The following RABEP2 variants were observed in gnomAD, a reference collection of about 807,000 sequenced individuals.
The protein encoded by RABEP2 is rabaptin, RAB GTPase binding effector protein 2, also known as rab GTPase-binding effector protein 2.
A neutral mutation model predicts 74.1 loss-of-function variants in RABEP2; 57 were observed. That is an observed-to-expected ratio of 0.77 (90% CI 0.62 to 0.96). The LOEUF is 0.96. Among genes scored for constraint, RABEP2 ranks in the 40% least tolerant of loss-of-function variants. The pLI is 0.00. For synonymous variants in RABEP2, 351 were observed against 344.0 expected (o/e 1.02, Z -0.23); for missense variants, 692 against 756.3 (o/e 0.91, Z 1.00).
chr16:28,922,240 AT>A (rs573232232), intron 2 of RABEP2, among the ~76,000 whole-genome samples: 6 of 152,292 alleles, frequency 3.9e-5, no homozygotes, highest in Non-Finnish European at 4.4e-5. Context: ...GAACGTGGTC[AT>A]TTTTTGTTTG....
chr16:28,907,380 A>G (rs1596694752), intron 8 of RABEP2, among the ~76,000 whole-genome samples: 1 of 149,432 alleles, frequency 6.7e-6, no homozygotes, highest in Non-Finnish European at 1.5e-5. Flanking sequence ...CTGATCTTGA[A>G]CTCCTGGACT....
Position 28,914,279 on chromosome 16 carries a change from T to G in RABEP2, c.851A>C (p.Tyr284Ser), listed in dbSNP as rs1964354739. 1.2e-6 allele frequency: 2 copies of G among 1,611,710 alleles called. No homozygotes were observed. Among genetic ancestry groups the G allele is most frequent in the Non-Finnish European group, 1.7e-6 (2 of 1,179,664 alleles). ...CCACTGAGTGTCTGGGACGAGCTGG[T>G]AGCCAGGAGGGGGCAGGTAGATGCC... ...PEGIYLPPPG[Y>S]QLVPDTQWEQ... Residue 284 changes from tyrosine (Y) to serine (S), a missense_variant, in exon 5 of 13, where the codon TAC (tyrosine) becomes TCC (serine). Coordinates refer to ENST00000358201, the MANE Select transcript of RABEP2 (RefSeq NM_024816.3).
intron 3 of RABEP2, among the ~76,000 whole-genome samples, chr16:28,917,535 T>C (rs1353717770): frequency 6.6e-6 from 1 of 152,220 alleles, no homozygotes; most frequent in Non-Finnish European, 1.5e-5. Context: ...CTTTCCTGCC[T>C]CAGTCTTCCG....
chr16:28,904,475 T>C lies in RABEP2; in HGVS notation c.*468A>G. 9 of 1,509,478 alleles carry C rather than the reference T, an allele frequency of 6.0e-6. No individual in the cohort carries two copies. Among genetic ancestry groups the C allele is most frequent in the Non-Finnish European group, 8.0e-6 (9 of 1,130,026 alleles). The allele number at this position is 1,509,478 out of a possible 1,614,324, so 93.5% of individuals were successfully genotyped here. A position where few individuals can be genotyped will look rare whatever the true frequency, so the allele number is the denominator to read the frequency against. ...AACGACGGAAAAGTCTGGCCTTGCC[T>C]CTGTGCAAGCTTGGAGGCCTGGGTC... On this transcript the variant is annotated 3_prime_UTR_variant, in exon 13 of 13. Coordinates refer to ENST00000358201, the MANE Select transcript of RABEP2 (RefSeq NM_024816.3).
In RABEP2 at chr16:28,904,727, T is replaced by A. The variant is rs937656969; in HGVS notation, c.*216A>T. ...TGCACCTTTGGTTCCGGGAGGGGCT[T>A]GGGCCCCTCACCCAGGTGTGATCCC... is the stretch of plus-strand genomic sequence containing the variant. On this transcript the variant is annotated 3_prime_UTR_variant, in exon 13 of 13. Transcript: ENST00000358201. The A allele has an allele frequency of 3.1e-6, 2 of 634,940 alleles. No individual in the cohort carries two copies. The highest frequency in any genetic ancestry group is 5.3e-6 in the Non-Finnish European group (2 of 376,092). The allele number at this position is 634,940 out of a possible 1,614,324, so 39.3% of individuals were successfully genotyped here. A position where few individuals can be genotyped will look rare whatever the true frequency, so the allele number is the denominator to read the frequency against.
intron 3 of RABEP2, among the ~76,000 whole-genome samples, chr16:28,915,136 C>A: frequency 6.7e-6 from 1 of 148,594 alleles, no homozygotes; most frequent in Non-Finnish European, 1.5e-5. Context: ...TCTCGGCTCG[C>A]TGCTACCTCC....
chr16:28,914,084 G>A, intron 5 of RABEP2, 152 bp downstream of exon 5: 1 of 659,748 alleles, frequency 1.5e-6, no homozygotes, highest in South Asian at 2.0e-5. Context: ...CCCTATGCAT[G>A]TTTACATCTG....
chr16:28,924,829 C>T, intron 1 of RABEP2: 2 of 717,524 alleles, frequency 2.8e-6, no homozygotes, highest in East Asian at 2.7e-5. Context: ...GCCAGTTTCA[C>T]TCAGTCCTCT....
intron 12 of RABEP2, 40 bp from the exon 13 acceptor site, chr16:28,905,084 G>C (rs1419073257): frequency 6.5e-7 from 1 of 1,534,568 alleles, no homozygotes; most frequent in Non-Finnish European, 8.8e-7. Flanking sequence ...CACTTGTGGG[G>C]AAACGCAGCC....
Position 28,924,556 on chromosome 16 carries a change from T to A in RABEP2, c.121A>T (p.Ser41Cys). The part of the protein sequence containing the change: ...ANGEAESGEL[S>C]RLRAELAGAL... ...CCTGCCAGCTCAGCCCGAAGCCGGC[T>A]GAGCTCACCTGACTCGGCCTCACCA... Residue 41 changes from serine to cysteine, a missense_variant, in exon 2 of 13, where the codon AGC becomes TGC. Physicochemically the swap from Ser to Cys is moderately radical, Grantham distance 112. Transcript: ENST00000358201. 1 of 1,612,734 alleles carries A rather than the reference T, an allele frequency of 6.2e-7. No homozygotes were observed. The highest frequency in any genetic ancestry group is 8.5e-7 in the Non-Finnish European group (1 of 1,179,064).
chr16:28,905,999 G>A lies in RABEP2; in HGVS notation c.1423+20C>T, dbSNP rs1964223497. 1.2e-6 allele frequency: 2 copies of A among 1,609,070 alleles called. No homozygotes were observed. The highest frequency in any genetic ancestry group is 1.7e-6 in the Non-Finnish European group (2 of 1,178,248). ...AGGGGCCCTGGGCCCGGGGCTGGGG[G>A]CTTGTGCCCCTCCCCTCACCTGTCT... On this transcript the variant is annotated intron_variant, in intron 9 of 12. Coordinates refer to ENST00000358201, the MANE Select transcript of RABEP2 (RefSeq NM_024816.3).
At position 28,911,190 on chromosome 16, in the gene RABEP2, C is replaced by T. The variant is rs1317015121; in HGVS notation, c.895-11G>A. On this transcript the variant is annotated splice_polypyrimidine_tract_variant and intron_variant, in intron 5 of 12. Coordinates refer to ENST00000358201, the MANE Select transcript of RABEP2 (RefSeq NM_024816.3). ...CTGCAGCTGTCGGCCCTGCCACAGA[C>T]CCTGCCTTCAGCCTGCATCTCCCAG... 6.8e-6 allele frequency: 11 copies of T among 1,606,610 alleles called. No homozygotes were observed. Among genetic ancestry groups the T allele is most frequent in the Non-Finnish European group, 8.5e-6 (10 of 1,179,590 alleles).
At chr16:28,917,370 C>T (rs961922688) in intron 3 of RABEP2, among the ~76,000 whole-genome samples, 3 of 152,196 alleles carry the variant, frequency 2.0e-5, no homozygotes, top group Admixed American at 2.0e-4. Context: ...ATGCCCTTTC[C>T]ACTTCTTGAA....
At chr16:28,919,179 G>T (rs573944625) in intron 3 of RABEP2, among the ~76,000 whole-genome samples, 3 of 152,088 alleles carry the variant, frequency 2.0e-5, no homozygotes, top group Non-Finnish European at 4.4e-5. Flanking sequence ...TTTTTAAGAC[G>T]AAGTCTCACT....
rs1245815743 is a variant in RABEP2, at chr16:28,908,630, T to C, written c.1224A>G (p.Glu408=). Reference sequence around the variant, plus strand: ...TTACTGGCACAGAGCTGGGCAGTGATTCCTCCTCGCCCTGCTCCTGCTGCG... The same window carrying C: ...TTACTGGCACAGAGCTGGGCAGTGACTCCTCCTCGCCCTGCTCCTGCTGCG... The part of the protein sequence containing the change: ...QGSQQEQGEE[E]SLPSSVPELQ... Residue 408 remains glutamate, a synonymous_variant, in exon 8 of 13, where the codon GAA becomes GAG. Transcript: ENST00000358201. The C allele has an allele frequency of 3.7e-6, 6 of 1,613,264 alleles. No individual in the cohort carries two copies. The African/African-American group carries it at 8.0e-5, about 22-fold the overall frequency.
Position 28,924,437 on chromosome 16 carries a change from T to C in RABEP2, c.240A>G (p.Gln80=). The part of the protein sequence containing the change: ...EAVAAVQRQC[Q]EEVASLQAIL... The stretch of plus-strand genomic sequence containing the variant: ...TGGCCTGCAGCGAGGCCACCTCCTC[T>C]TGGCACTGCCGCTGCACCGCAGCCA... Residue 80 remains glutamine (Q), a synonymous_variant, in exon 2 of 13, where the codon CAA becomes CAG. Transcript: ENST00000358201. The C allele has an allele frequency of 6.2e-7, 1 of 1,613,654 alleles. No individual in the cohort carries two copies. Among genetic ancestry groups the C allele is most frequent in the Non-Finnish European group, 8.5e-7 (1 of 1,180,004 alleles).
intron 1 of RABEP2, 115 bp from the exon 2 acceptor site, chr16:28,924,730 G>A: frequency 1.0e-6 from 1 of 987,792 alleles, no homozygotes; most frequent in South Asian, 1.4e-5. Context: ...CTTCACCTGG[G>A]CCCGCCCGGC....
chr16:28,914,724 T>TCGATCTCCTTTTCCATGGGCAGTA lies in RABEP2; in HGVS notation c.467_490dup (p.Val156_Ile163dup), dbSNP rs1964364730. ...CCTCAGCAGCTTCGCCTTCAGCTCCTCGATCTCCTTTTCCATGGGCAGTAC... is the reference window on the plus strand; with the variant it reads ...CCTCAGCAGCTTCGCCTTCAGCTCCTCGATCTCCTTTTCCATGGGCAGTACGATCTCCTTTTCCATGGGCAGTAC... On this transcript the variant is annotated inframe_insertion, in exon 4 of 13. Coordinates refer to ENST00000358201, the MANE Select transcript of RABEP2 (RefSeq NM_024816.3). 1 of 1,614,048 alleles carries TCGATCTCCTTTTCCATGGGCAGTA rather than the reference T, an allele frequency of 6.2e-7. No individual in the cohort carries two copies. The highest frequency in any genetic ancestry group is 1.3e-5 in the African/African-American group (1 of 74,922).
Position 28,906,086 on chromosome 16 carries a change from A to G in RABEP2, c.1356T>C (p.Ala452=). ...CCCTGGCCACTGTCTCCTCCTCCAGAGCCTCCCGCAGCGTCACGATCTCGA... is the reference window on the plus strand; with the variant it reads ...CCCTGGCCACTGTCTCCTCCTCCAGGGCCTCCCGCAGCGTCACGATCTCGA... ...LRIEIVTLRE[A]LEEETVARAS... The change falls in exon 9 of 13, where the codon GCT becomes GCC. Residue 452 remains alanine, a synonymous_variant. Transcript: ENST00000358201. The G allele has an allele frequency of 6.3e-7, 1 of 1,596,114 alleles. No homozygotes were observed. Among genetic ancestry groups the G allele is most frequent in the Non-Finnish European group, 8.5e-7 (1 of 1,172,242 alleles).
Sources: gnomAD v4.1 joint callset for allele counts (sites outside exome capture counted in the v4.1 genomes callset) on GRCh38, gnomAD v4.1.1 for gene constraint, MANE v1.5 for transcripts, NCBI Gene and HGNC (gene_info 2026-07-23, HGNC 2026-07-21) for gene names.